SEMA3D: variants seen among roughly 807,000 people sequenced by gnomAD.
The protein encoded by SEMA3D is semaphorin-3D.
Under a neutral mutation model 100.1 loss-of-function variants are expected in SEMA3D, and 84 were observed. That is an observed-to-expected ratio of 0.84 (90% CI 0.70 to 1.01). SEMA3D has a LOEUF of 1.01. Among genes scored for constraint, SEMA3D ranks in the 50% least tolerant of loss-of-function variants. The pLI, the probability that SEMA3D is intolerant of heterozygous loss-of-function variation, is 0.00. For missense variants in SEMA3D, 875 were observed against 934.1 expected (o/e 0.94, Z 0.82); for synonymous variants, 312 against 320.7 (o/e 0.97, Z 0.29).
At chr7:85,136,151 T>C (rs1789862154) in intron 2 of SEMA3D, among the ~76,000 whole-genome samples, 2 of 152,140 alleles carry the variant, frequency 1.3e-5, no homozygotes, top group Admixed American at 1.3e-4. Flanking sequence ...TCAATTGTAA[T>C]AGTGCATGCG....
chr7:85,070,431 C>A (rs757823811), intron 6 of SEMA3D, among the ~76,000 whole-genome samples: 1 of 152,118 alleles, frequency 6.6e-6, no homozygotes, highest in Non-Finnish European at 1.5e-5. Flanking sequence ...CATAGCAGTC[C>A]CTGAAGTATA....
the SEMA3D span, among the ~76,000 whole-genome samples, chr7:85,243,982 T>C: frequency 6.6e-6 from 1 of 152,200 alleles, no homozygotes; most frequent in East Asian, 1.9e-4. Context: ...TTACAGTATA[T>C]ATCTTGTTTA....
chr7:85,009,119 GT>G (rs2115763060), intron 17 of SEMA3D, among the ~76,000 whole-genome samples: 1 of 151,644 alleles, frequency 6.6e-6, no homozygotes, highest in African/African-American at 2.4e-5. Flanking sequence ...ATACCATAGT[GT>G]TTTGAAATAG....
At chr7:85,028,916 C>T (rs1314423731) in intron 12 of SEMA3D, 4 of 258,282 alleles carry the variant, frequency 1.5e-5, no homozygotes, top group Non-Finnish European at 3.2e-5. Flanking sequence ...ATGAGAGCAT[C>T]AACCCTCATG....
the SEMA3D span, among the ~76,000 whole-genome samples, chr7:85,247,024 C>T: frequency 1.2e-3 from 175 of 151,822 alleles, 1 homozygote; most frequent in East Asian, 0.012. Context: ...ACTTAAAAGT[C>T]AAATATATAT....
intron 1 of SEMA3D, chr7:85,163,095 G>T: frequency 1.9e-6 from 1 of 538,788 alleles, no homozygotes; most frequent in Non-Finnish European, 2.4e-6. Context: ...AAGTAAAACA[G>T]AATACAAAGA....
chr7:85,011,065 C>T (rs1178821431), intron 17 of SEMA3D, among the ~76,000 whole-genome samples: 2 of 151,760 alleles, frequency 1.3e-5, no homozygotes, highest in African/African-American at 2.4e-5. Context: ...CAACAAATAA[C>T]GTAATTTGTA....
intron 4 of SEMA3D, among the ~76,000 whole-genome samples, chr7:85,094,133 G>A (rs1583915786): frequency 6.6e-6 from 1 of 152,094 alleles, no homozygotes; most frequent in South Asian, 2.1e-4. Context: ...GAGAAAGAGA[G>A]GGTGGGGAGA....
the SEMA3D span, among the ~76,000 whole-genome samples, chr7:85,201,254 C>T: frequency 9.2e-5 from 14 of 152,250 alleles, no homozygotes; most frequent in South Asian, 1.7e-3. Context: ...CAAGGAATGC[C>T]TCCTCCCTAG....
chr7:85,167,405 G>A (rs2116535075), intron 1 of SEMA3D: 1 of 983,430 alleles, frequency 1.0e-6, no homozygotes, highest in African/African-American at 1.7e-5. Flanking sequence ...CGGTGGTTGT[G>A]TTATAAATTT....
chr7:85,118,475 T>C (rs1789308872), intron 3 of SEMA3D, among the ~76,000 whole-genome samples: 1 of 152,056 alleles, frequency 6.6e-6, no homozygotes, highest in South Asian at 2.1e-4. Context: ...GGTTTTCTTA[T>C]TTTAAAAATT....
At chr7:85,155,409 T>A (rs929461581) in intron 1 of SEMA3D, among the ~76,000 whole-genome samples, 6 of 152,184 alleles carry the variant, frequency 3.9e-5, no homozygotes, top group African/African-American at 1.4e-4. Flanking sequence ...GAGGCTATCA[T>A]CTTAGTTTTA....
chr7:85,125,445 G>A (rs769051183), intron 2 of SEMA3D, among the ~76,000 whole-genome samples: 12 of 152,052 alleles, frequency 7.9e-5, no homozygotes, highest in Non-Finnish European at 1.2e-4. Flanking sequence ...TAGTAACACT[G>A]TTCCTTGTAA....
rs1789479489 is a variant in SEMA3D at position 84,995,678 on chromosome 7, T to A, written c.*3762A>T. 1.3e-5 allele frequency: 2 copies of A among 152,036 alleles called. No individual in the cohort carries two copies. The highest frequency in any genetic ancestry group is 3.9e-4 in the East Asian group (2 of 5,192). The allele number at this position is 152,036 out of a possible 1,614,324, so 9.4% of individuals were successfully genotyped here. ...CTTTTAAAATAGCAGAATTATAAAT[T>A]CAAAATTGATTGCTAACCACTCACA... On this transcript the variant is annotated 3_prime_UTR_variant, in exon 19 of 19. Coordinates refer to ENST00000284136, the MANE Select transcript of SEMA3D (RefSeq NM_001384900.1).
chr7:85,060,396 T>C (rs1361099705), intron 8 of SEMA3D, among the ~76,000 whole-genome samples: 1 of 152,178 alleles, frequency 6.6e-6, no homozygotes, highest in Non-Finnish European at 1.5e-5. Context: ...TGACAGAAAC[T>C]CTTCCCTGAT....
In SEMA3D at chr7:84,996,901, C is replaced by T. The variant is rs1362205240; in HGVS notation, c.*2539G>A. 1.3e-5 allele frequency: 2 copies of T among 151,924 alleles called. No homozygotes were observed. Among genetic ancestry groups the T allele is most frequent in the African/African-American group, 2.4e-5 (1 of 41,422 alleles). The allele number at this position is 151,924 out of a possible 1,614,324, so 9.4% of individuals were successfully genotyped here. A position where few individuals can be genotyped will look rare whatever the true frequency, so the allele number is the denominator to read the frequency against. On this transcript the variant is annotated 3_prime_UTR_variant, in exon 19 of 19. Transcript: ENST00000284136. ...TGTTTGTGGATTTAATATATTCATA[C>T]TCTTTCTCTAAATGTTCTAGACAAC...
chr7:85,243,666 T>C, the SEMA3D span, among the ~76,000 whole-genome samples: 2 of 152,188 alleles, frequency 1.3e-5, no homozygotes, highest in African/African-American at 4.8e-5. Context: ...AACCCAGAAA[T>C]CTGTACTTTA....
chr7:85,098,092 AAAG>A (rs1301523704), intron 3 of SEMA3D, 127 bp from the exon 4 acceptor site: 13 of 579,322 alleles, frequency 2.2e-5, no homozygotes, highest in Non-Finnish European at 3.1e-5. Flanking sequence ...AAGAAAGAAA[AAAG>A]AAAGAAAGAA....
At chr7:85,053,043 A>T (rs1471560972) in intron 9 of SEMA3D, among the ~76,000 whole-genome samples, 1 of 151,984 alleles carries the variant, frequency 6.6e-6, no homozygotes, top group Non-Finnish European at 1.5e-5. Flanking sequence ...GTAGCTGAAG[A>T]TGAAGGGAGC....
Sources: allele counts gnomAD v4.1 joint callset (sites outside exome capture counted in the v4.1 genomes callset), GRCh38; gene constraint gnomAD v4.1.1; transcripts MANE v1.5; gene names NCBI Gene and HGNC (gene_info 2026-07-23, HGNC 2026-07-21).